Variants in ATAD5 observed in about 807,000 individuals in gnomAD.
ATAD5 encodes ATPase family AAA domain containing 5, also known as ATPase family AAA domain-containing protein 5.
ATAD5 carries 58 observed loss-of-function variants against 176.9 expected under a neutral mutation model. The observed-to-expected ratio is 0.33, with a 90% CI of 0.27 to 0.41. ATAD5 has a LOEUF of 0.41. Ranked by LOEUF, ATAD5 falls within the 10% of genes least tolerant of loss-of-function variation. The pLI is 1.00. For synonymous variants in ATAD5, 640 were observed against 712.6 expected, an observed-to-expected ratio of 0.90 and a Z score of 1.62; for missense variants, 1,789 against 2,094.1, an observed-to-expected ratio of 0.85 and a Z score of 2.84.
At chr17:30,886,132 A>G (rs1909309712) in intron 18 of ATAD5, among the ~76,000 whole-genome samples, 1 of 149,730 alleles carries the variant, frequency 6.7e-6, no homozygotes, top group Non-Finnish European at 1.5e-5. Context: ...AAGGATTTAT[A>G]TGTTTATTTT....
chr17:30,854,444 TC>T (rs564319795), intron 6 of ATAD5, among the ~76,000 whole-genome samples: 179 of 145,142 alleles, frequency 1.2e-3, no homozygotes, highest in African/African-American at 4.3e-3. Flanking sequence ...TGATCTCGGC[TC>T]CCTGTAACCT....
At chr17:30,888,964 G>A (rs1909472323) in intron 19 of ATAD5, among the ~76,000 whole-genome samples, 1 of 151,348 alleles carries the variant, frequency 6.6e-6, no homozygotes, top group Admixed American at 6.6e-5. Context: ...GGAGGCTGAG[G>A]CAGGAGAATT....
intron 18 of ATAD5, among the ~76,000 whole-genome samples, chr17:30,885,382 C>T (rs1337781494): frequency 1.3e-5 from 2 of 152,068 alleles, no homozygotes; most frequent in Admixed American, 1.3e-4. Context: ...ATCATGTTAT[C>T]TGCGAACAGA....
chr17:30,889,227 C>A (rs9914242), intron 19 of ATAD5, among the ~76,000 whole-genome samples: 15,184 of 142,854 alleles, frequency 0.11, 901 homozygotes, highest in South Asian at 0.24. Flanking sequence ...TATAGTGACT[C>A]TTCATGGGCA....
At chr17:30,876,598 C>A in intron 15 of ATAD5, 48 bp downstream of exon 15, 2 of 1,195,536 alleles carry the variant, frequency 1.7e-6, no homozygotes, top group Non-Finnish European at 2.3e-6. Flanking sequence ...AATAATGACC[C>A]TTATACCTAA....
intron 19 of ATAD5, among the ~76,000 whole-genome samples, chr17:30,887,844 T>C (rs1314916653): frequency 6.6e-6 from 1 of 152,076 alleles, no homozygotes; most frequent in Non-Finnish European, 1.5e-5. Flanking sequence ...TTTATTTATA[T>C]TTTTTGAGAT....
At chr17:30,857,241 CAG>C (rs1907341236) in intron 8 of ATAD5, 129 bp downstream of exon 8, 3 of 957,262 alleles carry the variant, frequency 3.1e-6, no homozygotes, top group Non-Finnish European at 4.3e-6. Flanking sequence ...TTTTTTGAGA[CAG>C]AGTCTCCCTC....
At position 30,869,511 on chromosome 17, in the gene ATAD5, G is replaced by T; in HGVS notation, c.3472G>T (p.Ala1158Ser). 4 of 1,612,942 alleles carry T rather than the reference G, an allele frequency of 2.5e-6. No homozygotes were observed. Among genetic ancestry groups the T allele is most frequent in the Non-Finnish European group, 3.4e-6 (4 of 1,179,778 alleles). ...CTTCTTTTAGATATTTGAAGTGAAT[G>T]CCTCTTCCCAGCGCAGTGGTAGACA... ...ELGFKIFEVNASSQRSGRQIL... is the reference protein window; with the variant it reads ...ELGFKIFEVNSSSQRSGRQIL... Residue 1158 changes from alanine (A) to serine (S), a missense_variant, in exon 14 of 23, where the codon GCC becomes TCC. Ala to Ser is a moderately conservative substitution (Grantham distance 99). This residue lies in a region of ATAD5 where 194 missense variants were observed against 270.1 expected (regional missense o/e 0.72). Transcript: ENST00000321990.
In ATAD5 at chr17:30,868,422, G is replaced by GC; in HGVS notation, c.3313+10_3313+11insC. 6.9e-7 allele frequency: 1 copy of GC among 1,448,294 alleles called. No individual in the cohort carries two copies. The highest frequency in any genetic ancestry group is 9.1e-7 in the Non-Finnish European group (1 of 1,096,016). 89.7% of individuals were successfully genotyped at this position (1,448,294 alleles called of 1,614,324 possible). A position where few individuals can be genotyped will look rare whatever the true frequency, so the allele number is the denominator to read the frequency against. ...GATGAGAAACATGAAGGTATTTTGT[G>GC]TGTCTTTTTTTTTTTTTTTACCATT... On this transcript the variant is annotated intron_variant, in intron 12 of 22. Coordinates refer to ENST00000321990, the MANE Select transcript of ATAD5 (RefSeq NM_024857.5).
Position 30,832,090 on chromosome 17 carries a change from G to A in ATAD5, c.-258G>A. 1 of 386,444 alleles carries A rather than the reference G, an allele frequency of 2.6e-6. No individual in the cohort carries two copies. The highest frequency in any genetic ancestry group is 4.6e-6 in the Non-Finnish European group (1 of 218,644). The allele number at this position is 386,444 out of a possible 1,614,324, so 23.9% of individuals were successfully genotyped here. On this transcript the variant is annotated 5_prime_UTR_variant, in exon 1 of 23. Transcript: ENST00000321990. ...CTCAGCCTGAAGCGCCGCTTTCGAGGGCACCCTGCATACACTGGCCGCGCC... is the reference window on the plus strand; with the variant it reads ...CTCAGCCTGAAGCGCCGCTTTCGAGAGCACCCTGCATACACTGGCCGCGCC...
At chr17:30,868,749 C>T (rs1187902747) in intron 12 of ATAD5, among the ~76,000 whole-genome samples, 1 of 151,652 alleles carries the variant, frequency 6.6e-6, no homozygotes, top group Non-Finnish European at 1.5e-5. Context: ...TCGTGATCCA[C>T]CCACCTTGGC....
At chr17:30,883,671 C>T (rs1373132719) in intron 18 of ATAD5, among the ~76,000 whole-genome samples, 2 of 151,990 alleles carry the variant, frequency 1.3e-5, no homozygotes, top group Non-Finnish European at 2.9e-5. Flanking sequence ...CTCAGCCTCC[C>T]GAGTAGCTGG....
intron 4 of ATAD5, among the ~76,000 whole-genome samples, chr17:30,843,700 A>G (rs11651858): frequency 0.11 from 15,935 of 151,718 alleles, 951 homozygotes; most frequent in South Asian, 0.24. Flanking sequence ...GTCATAATAA[A>G]CGTACCCTGA....
chr17:30,878,718 GTTTTTTTTTTTTTTTTT>G (rs71142005), intron 17 of ATAD5, among the ~76,000 whole-genome samples: 6 of 56,838 alleles, frequency 1.1e-4, no homozygotes, highest in Non-Finnish European at 1.6e-4. Flanking sequence ...GTTAGGTGGT[GTTTTTTTTTTTTTTTTT>G]TTTTTTTTTT....
At chr17:30,863,236 C>T (rs1229786147) in intron 10 of ATAD5, among the ~76,000 whole-genome samples, 1 of 152,118 alleles carries the variant, frequency 6.6e-6, no homozygotes, top group African/African-American at 2.4e-5. Context: ...AGTCAAAATG[C>T]CCAGGCTGGA....
intron 16 of ATAD5, 21 bp from the exon 17 acceptor site, chr17:30,877,982 T>C (rs1484347784): frequency 1.3e-6 from 2 of 1,484,650 alleles, no homozygotes; most frequent in African/African-American, 2.8e-5. Flanking sequence ...ATTAATATAT[T>C]AATATTCTAA....
intron 14 of ATAD5, among the ~76,000 whole-genome samples, chr17:30,870,970 C>T (rs1238806910): frequency 1.3e-5 from 2 of 151,768 alleles, no homozygotes; most frequent in African/African-American, 2.4e-5. Context: ...AAATTTCAAC[C>T]AGTATTTCTT....
chr17:30,852,275 A>G (rs1907015138), intron 6 of ATAD5, among the ~76,000 whole-genome samples: 1 of 152,056 alleles, frequency 6.6e-6, no homozygotes. Flanking sequence ...CTTGGTTTCT[A>G]TGTCCCTTTG....
rs891954577 is a variant in ATAD5 at position 30,894,050 on chromosome 17, T to G, written c.5197T>G (p.Ser1733Ala). The G allele has an allele frequency of 5.0e-6, 8 of 1,612,112 alleles. No homozygotes were observed. The highest frequency in any genetic ancestry group is 1.3e-5 in the African/African-American group (1 of 74,892). Residue 1733 changes from serine (S) to alanine (A), a missense_variant, in exon 21 of 23, where the codon TCT becomes GCT. Ser to Ala is a moderately conservative substitution (Grantham distance 99). This residue lies in a region of ATAD5 where 403 missense variants were observed against 495.1 expected (regional missense o/e 0.81). Transcript: ENST00000321990. ...AISKALETLN[S>A]CKKLGRDPTN... Reference sequence around the variant, plus strand: ...TTCAAAAGCATTGGAAACCTTGAATTCTTGCAAGAAATTAGGAAGAGATCC... The same window carrying G: ...TTCAAAAGCATTGGAAACCTTGAATGCTTGCAAGAAATTAGGAAGAGATCC...
Sources: allele counts gnomAD v4.1 joint callset (sites outside exome capture counted in the v4.1 genomes callset), GRCh38; gene constraint gnomAD v4.1.1; regional missense constraint gnomAD v4.1.1; transcripts MANE v1.5; gene names NCBI Gene and HGNC (gene_info 2026-07-23, HGNC 2026-07-21).